CSMD1: variants seen among roughly 807,000 people sequenced by gnomAD.
CSMD1 encodes the protein CUB and Sushi multiple domains 1, also known as CUB and sushi domain-containing protein 1.
A neutral mutation model predicts 417.5 loss-of-function variants in CSMD1; 213 were observed. The ratio of observed to expected loss-of-function variants is 0.51; its 90% CI spans 0.46 to 0.57. The LOEUF (loss-of-function observed/expected upper bound fraction) is 0.57. Among genes scored for constraint, CSMD1 ranks in the 20% least tolerant of loss-of-function variants. The probability of loss-of-function intolerance (pLI) is 0.00; values close to 1 mark genes in which losing one functional copy is unlikely to be tolerated. For synonymous variants in CSMD1, 2,862 were observed against 1,736.8 expected (o/e 1.65, Z -16.11); for missense variants, 6,923 against 4,529.7 (o/e 1.53, Z -15.17).
intron 8 of CSMD1, among the ~76,000 whole-genome samples, chr8:3,597,032 G>A (rs888266925): frequency 3.9e-5 from 6 of 152,160 alleles, no homozygotes; most frequent in African/African-American, 1.4e-4. Context: ...ATGCCACCCA[G>A]AGCCAGGAGC....
rs1169264126 is a variant in CSMD1, at chr8:4,586,634, T to C, written c.302+50708A>G. On this transcript the variant is annotated intron_variant, in intron 2 of 69. Transcript: ENST00000635120. ...AACACTGTTCCCTCTCAGTAATTTA[T>C]ATCATAAAAACACAGCACTAAAATC... is the stretch of plus-strand genomic sequence containing the variant. Among the ~76,000 whole-genome samples the C allele has an allele frequency of 3.9e-5, 6 of 152,224 alleles. No homozygotes were observed. The South Asian group carries it at 1.0e-3, about 26-fold the overall frequency.
chr8:4,882,629 G>C (rs1265179740), intron 1 of CSMD1, among the ~76,000 whole-genome samples: 1 of 151,736 alleles, frequency 6.6e-6, no homozygotes, highest in Admixed American at 6.6e-5. Flanking sequence ...ACTATCCACC[G>C]GGTTTCCCAT....
At chr8:4,416,728 G>C (rs1383932573) in intron 3 of CSMD1, among the ~76,000 whole-genome samples, 1 of 151,982 alleles carries the variant, frequency 6.6e-6, no homozygotes, top group Non-Finnish European at 1.5e-5. Flanking sequence ...ATGTCCTCAA[G>C]TCTAATATGT....
At chr8:3,890,689 C>G (rs557103493) in intron 5 of CSMD1, among the ~76,000 whole-genome samples, 1 of 151,570 alleles carries the variant, frequency 6.6e-6, no homozygotes, top group Non-Finnish European at 1.5e-5. Flanking sequence ...CAAATGAGTC[C>G]TGCCCCAGAA....
At chr8:4,629,044 T>G (rs1394677400) in intron 2 of CSMD1, among the ~76,000 whole-genome samples, 2 of 152,174 alleles carry the variant, frequency 1.3e-5, no homozygotes, top group Non-Finnish European at 2.9e-5. Context: ...CTAATATAAT[T>G]TACTTAACTA....
chr8:3,826,029 C>A (rs1352880777), intron 5 of CSMD1, among the ~76,000 whole-genome samples: 1 of 152,136 alleles, frequency 6.6e-6, no homozygotes, highest in Non-Finnish European at 1.5e-5. Flanking sequence ...CAAAGGCCAA[C>A]GTGTTGTCTT....
At chr8:3,975,901 G>C (rs766962379) in intron 5 of CSMD1, among the ~76,000 whole-genome samples, 1 of 152,040 alleles carries the variant, frequency 6.6e-6, no homozygotes, top group East Asian at 1.9e-4. Context: ...TTGCAAATGA[G>C]TGAATGTATT....
At chr8:3,725,943 G>T (rs549417389) in intron 6 of CSMD1, among the ~76,000 whole-genome samples, 1 of 152,080 alleles carries the variant, frequency 6.6e-6, no homozygotes, top group Non-Finnish European at 1.5e-5. Flanking sequence ...CTAATGACTC[G>T]CAAGCAATGA....
intron 3 of CSMD1, among the ~76,000 whole-genome samples, chr8:4,325,741 T>A (rs1799522240): frequency 1.3e-5 from 2 of 152,132 alleles, no homozygotes; most frequent in Non-Finnish European, 2.9e-5. Context: ...TGAGAAGGCG[T>A]GAATGTTATT....
At chr8:3,259,505 T>C (rs968563019) in intron 26 of CSMD1, among the ~76,000 whole-genome samples, 17 of 152,370 alleles carry the variant, frequency 1.1e-4, no homozygotes, top group Admixed American at 3.9e-4. Context: ...CAGTCTGATA[T>C]TAGCTTTTCT....
chr8:3,598,580 T>A (rs1171474169), intron 8 of CSMD1, among the ~76,000 whole-genome samples: 2 of 152,184 alleles, frequency 1.3e-5, no homozygotes, highest in Non-Finnish European at 2.9e-5. Context: ...AGGAGGACTT[T>A]TCTGTTGTTC....
chr8:3,283,829 T>G (rs181227289), intron 26 of CSMD1, among the ~76,000 whole-genome samples: 1 of 152,358 alleles, frequency 6.6e-6, no homozygotes, highest in Admixed American at 6.5e-5. Flanking sequence ...TGCACGACTA[T>G]ACATTAAAAC....
intron 1 of CSMD1, among the ~76,000 whole-genome samples, chr8:4,841,158 T>G (rs552531030): frequency 9.3e-4 from 141 of 152,352 alleles, no homozygotes; most frequent in Middle Eastern, 3.4e-3. Context: ...ATATAAATAA[T>G]GGTCAGAGCT....
At position 4,930,030 on chromosome 8, in the gene CSMD1, C is replaced by A. The variant is rs528509675; in HGVS notation, c.85+64302G>T. 2.6e-5 allele frequency among the ~76,000 whole-genome samples: 4 copies of A among 152,294 alleles called. No individual in the cohort carries two copies. In the South Asian group the frequency reaches 8.3e-4, roughly 32 times the overall value. The stretch of plus-strand genomic sequence containing the variant: ...CTGATGAGGTGAATGAAGAAAGGAA[C>A]AGGGGTGCACGGTGCAGAAGCAAAC... On this transcript the variant is annotated intron_variant, in intron 1 of 69. Transcript: ENST00000635120.
At chr8:3,434,962 G>A (rs1018838039) in intron 12 of CSMD1, among the ~76,000 whole-genome samples, 2 of 152,218 alleles carry the variant, frequency 1.3e-5, no homozygotes, top group Admixed American at 1.3e-4. Context: ...TGTTCACAGT[G>A]GATCCATTTA....
chr8:4,036,921 G>T (rs532445090), intron 3 of CSMD1, among the ~76,000 whole-genome samples: 4 of 151,900 alleles, frequency 2.6e-5, no homozygotes, highest in African/African-American at 9.7e-5. Flanking sequence ...AGGCTCATTG[G>T]CATGTGCCCT....
chr8:4,285,596 G>T (rs765344639), intron 3 of CSMD1, among the ~76,000 whole-genome samples: 7 of 152,188 alleles, frequency 4.6e-5, no homozygotes, highest in Non-Finnish European at 1.0e-4. Context: ...CAGGCAGCTG[G>T]GAAATTTGAT....
chr8:3,430,106 CATATACAT>C (rs1264262219), intron 12 of CSMD1, among the ~76,000 whole-genome samples: 1 of 152,080 alleles, frequency 6.6e-6, no homozygotes, highest in Admixed American at 6.6e-5. Context: ...CACACATGCA[CATATACAT>C]ATATACACAC....
chr8:4,018,243 G>C (rs1391896288), intron 4 of CSMD1, among the ~76,000 whole-genome samples: 1 of 151,942 alleles, frequency 6.6e-6, no homozygotes, highest in African/African-American at 2.4e-5. Flanking sequence ...GACTTTTTAT[G>C]ATTTAAACAT....
Sources: gnomAD v4.1 joint callset for allele counts (sites outside exome capture counted in the v4.1 genomes callset) on GRCh38, gnomAD v4.1.1 for gene constraint, MANE v1.5 for transcripts, NCBI Gene and HGNC (gene_info 2026-07-23, HGNC 2026-07-21) for gene names.